FAM163A: variants seen among roughly 807,000 people sequenced by gnomAD.
FAM163A encodes the protein family with sequence similarity 163 member A, also known as protein FAM163A.
A neutral mutation model predicts 12.0 loss-of-function variants in FAM163A; 7 were observed. The observed-to-expected ratio is 0.58, with a 90% CI of 0.33 to 1.10. The LOEUF (loss-of-function observed/expected upper bound fraction) is 1.10, where lower values mean the gene tolerates loss of function less well. Among genes scored for constraint, FAM163A ranks in the 50% least tolerant of loss-of-function variants. FAM163A has a pLI of 0.03. For synonymous variants in FAM163A, 101 were observed against 91.0 expected, an observed-to-expected ratio of 1.11 and a Z score of -0.62; for missense variants, 202 against 218.6, an observed-to-expected ratio of 0.92 and a Z score of 0.48.
intron 1 of FAM163A, among the ~76,000 whole-genome samples, chr1:179,776,263 G>A (rs978345460): frequency 1.3e-5 from 2 of 152,042 alleles, no homozygotes; most frequent in East Asian, 3.9e-4. Context: ...TTGGGTGGCC[G>A]AGGTGAGCTG....
At chr1:179,729,812 AT>A in the FAM163A span, among the ~76,000 whole-genome samples, 2 of 151,946 alleles carry the variant, frequency 1.3e-5, no homozygotes, top group Non-Finnish European at 2.9e-5. Flanking sequence ...CATCATTTGT[AT>A]TTTTTTTAAA....
intron 1 of FAM163A, among the ~76,000 whole-genome samples, chr1:179,789,003 C>T (rs992980275): frequency 6.6e-6 from 1 of 152,262 alleles, no homozygotes; most frequent in Non-Finnish European, 1.5e-5. Context: ...CCTCCACTCT[C>T]CAGCCCATGC....
At chr1:179,779,092 A>G (rs1312719509) in intron 1 of FAM163A, among the ~76,000 whole-genome samples, 4 of 152,274 alleles carry the variant, frequency 2.6e-5, no homozygotes, top group African/African-American at 7.2e-5. Context: ...GTGTACATTC[A>G]TATCAAAAAA....
At chr1:179,754,987 A>G (rs1277801812) in intron 1 of FAM163A, among the ~76,000 whole-genome samples, 1 of 152,108 alleles carries the variant, frequency 6.6e-6, no homozygotes, top group Non-Finnish European at 1.5e-5. Flanking sequence ...AAATACAAAA[A>G]TTAGCTGGGT....
At position 179,813,899 on chromosome 1, in the gene FAM163A, G is replaced by C. The variant is rs145701153; in HGVS notation, c.214G>C (p.Gly72Arg). 15 of 1,613,772 alleles carry C rather than the reference G, an allele frequency of 9.3e-6. No individual in the cohort carries two copies. Among genetic ancestry groups the C allele is most frequent in the Non-Finnish European group, 1.3e-5 (15 of 1,180,022 alleles). ...TGCCTGCAGCTCCCAAGCCCTGGAC[G>C]GCAGAGGCAGCCTGGCGCCTCTCAC... ...CNACSSQALD[G>R]RGSLAPLTSE... Residue 72 changes from glycine to arginine, a missense_variant, in exon 5 of 5, where the codon GGC becomes CGC. By Grantham distance (125) the Gly-to-Arg change is moderately radical. Transcript: ENST00000341785.
At chr1:179,734,964 G>A in the FAM163A span, among the ~76,000 whole-genome samples, 4 of 152,138 alleles carry the variant, frequency 2.6e-5, no homozygotes, top group African/African-American at 9.7e-5. Flanking sequence ...ATGTGATGTG[G>A]CCTCTGTCTG....
chr1:179,737,140 A>G, the FAM163A span, among the ~76,000 whole-genome samples: 2 of 152,210 alleles, frequency 1.3e-5, no homozygotes, highest in Non-Finnish European at 2.9e-5. Context: ...AGAAAAATGT[A>G]TTGTATATAA....
chr1:179,752,145 CAT>C (rs1468182369), intron 1 of FAM163A, among the ~76,000 whole-genome samples: 2 of 152,034 alleles, frequency 1.3e-5, no homozygotes, highest in African/African-American at 4.8e-5. Flanking sequence ...TAAATCCACA[CAT>C]GATACGGTCA....
At chr1:179,741,738 G>A (rs1319999164), upstream of FAM163A, among the ~76,000 whole-genome samples, 1 of 152,196 alleles carries the variant, frequency 6.6e-6, no homozygotes, top group Non-Finnish European at 1.5e-5. Flanking sequence ...AAACTAAACT[G>A]TAGTGGTTAG....
chr1:179,805,720 C>A (rs1014171791), intron 1 of FAM163A, among the ~76,000 whole-genome samples: 1 of 152,226 alleles, frequency 6.6e-6, no homozygotes, highest in Non-Finnish European at 1.5e-5. Flanking sequence ...CTACCACCCG[C>A]CCAGGAGCTG....
intron 1 of FAM163A, among the ~76,000 whole-genome samples, chr1:179,774,554 A>T (rs1351588780): frequency 6.6e-6 from 1 of 152,224 alleles, no homozygotes; most frequent in African/African-American, 2.4e-5. Context: ...TGATACAGAG[A>T]GTGGGAGACT....
chr1:179,731,652 G>A, the FAM163A span, among the ~76,000 whole-genome samples: 1 of 152,298 alleles, frequency 6.6e-6, no homozygotes, highest in Admixed American at 6.5e-5. Flanking sequence ...GGCCGTCCCA[G>A]CAAGACTAAG....
At chr1:179,783,453 T>A (rs1690090368) in intron 1 of FAM163A, among the ~76,000 whole-genome samples, 1 of 152,172 alleles carries the variant, frequency 6.6e-6, no homozygotes, top group African/African-American at 2.4e-5. Flanking sequence ...ATTTTTTAAA[T>A]GTGCATTAAA....
At chr1:179,740,401 A>C (rs1278933685), upstream of FAM163A, among the ~76,000 whole-genome samples, 1 of 152,040 alleles carries the variant, frequency 6.6e-6, no homozygotes, top group African/African-American at 2.4e-5. Flanking sequence ...GCCAGTCTGG[A>C]ACTACTGGGC....
chr1:179,777,359 T>C (rs1159779424), intron 1 of FAM163A, among the ~76,000 whole-genome samples: 1 of 152,236 alleles, frequency 6.6e-6, no homozygotes, highest in Non-Finnish European at 1.5e-5. Flanking sequence ...TGCAAAACTC[T>C]TTTGTCAAAC....
At chr1:179,804,648 T>C (rs993946542) in intron 1 of FAM163A, among the ~76,000 whole-genome samples, 14 of 152,176 alleles carry the variant, frequency 9.2e-5, no homozygotes, top group Non-Finnish European at 4.4e-5. Flanking sequence ...GATCTTGTCT[T>C]TTGCGGGAAC....
upstream of FAM163A, among the ~76,000 whole-genome samples, chr1:179,739,374 G>A (rs1683366782): frequency 6.6e-6 from 1 of 152,188 alleles, no homozygotes; most frequent in African/African-American, 2.4e-5. Context: ...TGAAAAGACT[G>A]GGGGAAAATA....
At chr1:179,754,907 C>T (rs981662745) in intron 1 of FAM163A, among the ~76,000 whole-genome samples, 3 of 152,090 alleles carry the variant, frequency 2.0e-5, no homozygotes, top group East Asian at 1.9e-4. Flanking sequence ...AAGGCCAAGG[C>T]GGGCAGATCA....
intron 1 of FAM163A, among the ~76,000 whole-genome samples, chr1:179,793,872 C>G (rs1039420834): frequency 6.6e-6 from 1 of 152,176 alleles, no homozygotes; most frequent in Non-Finnish European, 1.5e-5. Flanking sequence ...CGGCCCAGGG[C>G]TCTCTGACTT....
Sources: allele counts gnomAD v4.1 joint callset (sites outside exome capture counted in the v4.1 genomes callset), GRCh38; gene constraint gnomAD v4.1.1; transcripts MANE v1.5; gene names NCBI Gene and HGNC (gene_info 2026-07-23, HGNC 2026-07-21).